Variants in SSX2IP observed in about 807,000 individuals in gnomAD.
The protein encoded by SSX2IP is SSX family member 2 interacting protein, also known as afadin- and alpha-actinin-binding protein.
Under a neutral mutation model 84.9 loss-of-function variants are expected in SSX2IP, and 55 were observed. The ratio of observed to expected loss-of-function variants is 0.65; its 90% CI spans 0.52 to 0.81. The LOEUF (loss-of-function observed/expected upper bound fraction) is 0.81, where lower values mean the gene tolerates loss of function less well. SSX2IP is among the 30% of genes least tolerant of loss of function. The pLI, the probability that SSX2IP is intolerant of heterozygous loss-of-function variation, is 0.00. For synonymous variants in SSX2IP, 239 were observed against 234.7 expected (o/e 1.02, Z -0.17); for missense variants, 664 against 705.2 (o/e 0.94, Z 0.66).
chr1:84,675,303 G>A (rs1275062455), intron 1 of SSX2IP, among the ~76,000 whole-genome samples: 2 of 152,170 alleles, frequency 1.3e-5, no homozygotes, highest in Admixed American at 1.3e-4. Flanking sequence ...TGTTACCATA[G>A]TTACCTTAGG....
At chr1:84,676,071 T>C (rs1440860354) in intron 1 of SSX2IP, among the ~76,000 whole-genome samples, 1 of 152,184 alleles carries the variant, frequency 6.6e-6, no homozygotes, top group Non-Finnish European at 1.5e-5. Context: ...CAAAATAAGC[T>C]TTCTAAATTC....
chr1:84,661,557 C>A (rs1039782114), intron 8 of SSX2IP, among the ~76,000 whole-genome samples: 1 of 152,156 alleles, frequency 6.6e-6, no homozygotes. Flanking sequence ...ATAATCACTT[C>A]TCCACGTCTG....
chr1:84,682,068 T>C (rs1488338210), intron 1 of SSX2IP, among the ~76,000 whole-genome samples: 1 of 152,248 alleles, frequency 6.6e-6, no homozygotes, highest in Admixed American at 6.5e-5. Context: ...CTTCAATGAA[T>C]GAAATTACTA....
At chr1:84,653,860 G>GT (rs1437110104) in intron 11 of SSX2IP, among the ~76,000 whole-genome samples, 4 of 73,832 alleles carry the variant, frequency 5.4e-5, no homozygotes, top group Non-Finnish European at 1.2e-4. Context: ...TTTTAAAAAT[G>GT]TAACAAATAT....
chr1:84,669,429 G>A (rs1428358751), intron 4 of SSX2IP, among the ~76,000 whole-genome samples: 1 of 152,006 alleles, frequency 6.6e-6, no homozygotes, highest in Non-Finnish European at 1.5e-5. Flanking sequence ...TTTTCCCAGA[G>A]CATAAATATT....
intron 11 of SSX2IP, 72 bp downstream of exon 11, chr1:84,655,760 G>T: frequency 6.6e-7 from 1 of 1,509,982 alleles, no homozygotes; most frequent in South Asian, 1.3e-5. Context: ...AAAAAAAGGA[G>T]ACCTTAGAAG....
chr1:84,673,358 C>T (rs1370421107), intron 1 of SSX2IP, among the ~76,000 whole-genome samples: 2 of 152,060 alleles, frequency 1.3e-5, no homozygotes, highest in Non-Finnish European at 2.9e-5. Flanking sequence ...GTAAAGGAAA[C>T]AGCAGATACA....
Position 84,670,771 on chromosome 1 carries a change from G to A in SSX2IP, c.88C>T (p.Pro30Ser). 4 of 1,612,786 alleles carry A rather than the reference G, an allele frequency of 2.5e-6. No homozygotes were observed. The highest frequency in any genetic ancestry group is 3.4e-6 in the Non-Finnish European group (4 of 1,179,300). Residue 30 changes from proline to serine, a missense_variant, in exon 3 of 14, where the codon CCA (proline) becomes TCA (serine). Coordinates refer to ENST00000342203, the MANE Select transcript of SSX2IP (RefSeq NM_001166293.2). ...ACTTGCTGTGAGTATAAACTTGATG[G>A]AGACATCTTTGTTTCTGAGGTATAT... ...SQYTSETKMS[P>S]SSLYSQQVLC... is the part of the protein sequence containing the mutation.
chr1:84,669,747 C>T lies in SSX2IP; in HGVS notation c.360G>A (p.Val120=), dbSNP rs1653271468. 8.7e-6 allele frequency: 14 copies of T among 1,613,674 alleles called. No homozygotes were observed. The East Asian group carries it at 3.1e-4, about 36-fold the overall frequency. The change falls in exon 4 of 14, where the codon GTG becomes GTA. Residue 120 remains valine, a synonymous_variant. Transcript: ENST00000342203. ...QRKNLLAQEN[V]ETQNLKLGSD... Reference sequence around the variant, plus strand: ...TTCCCAGCTTCAAATTCTGTGTCTCCACATTTTCCTGAGCTAGAAGGTTCT... The same window carrying T: ...TTCCCAGCTTCAAATTCTGTGTCTCTACATTTTCCTGAGCTAGAAGGTTCT...
chr1:84,655,689 C>G, intron 11 of SSX2IP, 143 bp downstream of exon 11: 1 of 1,432,726 alleles, frequency 7.0e-7, no homozygotes, highest in Non-Finnish European at 9.3e-7. Context: ...CAGCCTCCCT[C>G]TCATTTCAAA....
chr1:84,645,870 T>C lies in SSX2IP; in HGVS notation c.*1563A>G, dbSNP rs1324383072. 1 of 152,184 alleles carries C rather than the reference T, an allele frequency of 6.6e-6. No individual in the cohort carries two copies. The highest frequency in any genetic ancestry group is 2.4e-5 in the African/African-American group (1 of 41,446). 9.4% of individuals were successfully genotyped at this position (152,184 alleles called of 1,614,324 possible). On this transcript the variant is annotated 3_prime_UTR_variant, in exon 14 of 14. Transcript: ENST00000342203. ...AAGGTAGTGACTAATGCTCAAGAGC[T>C]AGCTCTTTAAAACTATAAATATGGT...
At chr1:84,676,483 T>C (rs1207370870) in intron 1 of SSX2IP, among the ~76,000 whole-genome samples, 1 of 152,208 alleles carries the variant, frequency 6.6e-6, no homozygotes, top group Non-Finnish European at 1.5e-5. Flanking sequence ...GGTTGCAAAG[T>C]ACCAATGCCA....
chr1:84,667,046 T>C (rs1652865793), intron 4 of SSX2IP, among the ~76,000 whole-genome samples: 1 of 152,006 alleles, frequency 6.6e-6, no homozygotes, highest in Non-Finnish European at 1.5e-5. Flanking sequence ...AGGTTGTCAG[T>C]TTTTGGCAAC....
rs774814399 is a variant in SSX2IP, at chr1:84,670,699, T to C, written c.160A>G (p.Ser54Gly). The C allele has an allele frequency of 1.9e-6, 3 of 1,612,826 alleles. No homozygotes were observed. The highest frequency in any genetic ancestry group is 2.2e-5 in the East Asian group (1 of 44,804). ...ATATTATCTTCTGTGCAGAAGGCAC[T>C]GAAAAAACTGTGCACATTTTTCGAT... The part of the protein sequence containing the change: ...PLSKNVHSFF[S>G]AFCTEDNIEQ... The change falls in exon 3 of 14, where the codon AGT becomes GGT. Residue 54 changes from serine (S) to glycine (G), a missense_variant. Ser to Gly is a moderately conservative substitution (Grantham distance 56). Transcript: ENST00000342203.
chr1:84,678,373 A>G (rs1654655548), intron 1 of SSX2IP, among the ~76,000 whole-genome samples: 1 of 152,114 alleles, frequency 6.6e-6, no homozygotes, highest in Admixed American at 6.5e-5. Flanking sequence ...TCTTGCACGT[A>G]TTTCAAAACT....
rs143202579 is a variant in SSX2IP at position 84,650,457 on chromosome 1, C to T, written c.1575G>A (p.Gly525=). The change falls in exon 13 of 14, where the codon GGG becomes GGA. Residue 525 remains glycine, a synonymous_variant. Coordinates refer to ENST00000342203, the MANE Select transcript of SSX2IP (RefSeq NM_001166293.2). The part of the protein sequence containing the change: ...PQKKPHSVSN[G]SPVCMSKLTK... Reference sequence around the variant, plus strand: ...TAAGTTTAGACATGCAAACTGGAGACCCATTAGACACACTGTGAGGCTTCT... The same window carrying T: ...TAAGTTTAGACATGCAAACTGGAGATCCATTAGACACACTGTGAGGCTTCT... 2.9e-4 allele frequency: 469 copies of T among 1,614,160 alleles called. 1 individual carries two copies. Among genetic ancestry groups the T allele is most frequent in the Non-Finnish European group, 3.8e-4 (454 of 1,180,030 alleles).
chr1:84,648,327 T>G (rs1198085426), intron 13 of SSX2IP, among the ~76,000 whole-genome samples: 3 of 152,218 alleles, frequency 2.0e-5, no homozygotes, highest in East Asian at 1.9e-4. Context: ...AATGAATACC[T>G]TGAATTTCTT....
At chr1:84,683,893 T>C (rs1047176410) in intron 1 of SSX2IP, among the ~76,000 whole-genome samples, 3 of 152,106 alleles carry the variant, frequency 2.0e-5, no homozygotes, top group Non-Finnish European at 4.4e-5. Flanking sequence ...CACACAGGAA[T>C]AGCAGCAATC....
At chr1:84,690,192 T>C (rs914455268) in intron 1 of SSX2IP, 179 bp downstream of exon 1, 43 of 152,084 alleles carry the variant, frequency 2.8e-4, no homozygotes, top group African/African-American at 9.9e-4. Context: ...GGGTCGACGC[T>C]CGCCCGCACC....
Sources: gnomAD v4.1 joint callset for allele counts (sites outside exome capture counted in the v4.1 genomes callset) on GRCh38, gnomAD v4.1.1 for gene constraint, MANE v1.5 for transcripts, NCBI Gene and HGNC (gene_info 2026-07-23, HGNC 2026-07-21) for gene names.